SPATA31H1: variants seen among roughly 807,000 people sequenced by gnomAD.
SPATA31H1 encodes the protein spermatogenesis-associated protein 31H1.
the SPATA31H1 span, among the ~76,000 whole-genome samples, chr2:27,560,123 C>T: frequency 2.0e-5 from 3 of 151,868 alleles, no homozygotes; most frequent in Non-Finnish European, 4.4e-5. Context: ...ACCTCAGCCT[C>T]CCAAAGTGCT....
chr2:27,565,032 A>G, the SPATA31H1 span, among the ~76,000 whole-genome samples: 1 of 152,272 alleles, frequency 6.6e-6, no homozygotes, highest in East Asian at 1.9e-4. Flanking sequence ...TGATGTTCCC[A>G]CTTGCCTGAA....
At chr2:27,547,489 T>G in the SPATA31H1 span, among the ~76,000 whole-genome samples, 1 of 151,990 alleles carries the variant, frequency 6.6e-6, no homozygotes, top group Non-Finnish European at 1.5e-5. Context: ...CTTTGACCTT[T>G]GAAGTTGTCT....
chr2:27,539,406 CAT>C, the SPATA31H1 span, among the ~76,000 whole-genome samples: 1 of 123,226 alleles, frequency 8.1e-6, no homozygotes, highest in African/African-American at 3.4e-5. Context: ...GGACACAGCA[CAT>C]GTTTCAGAGA....
the SPATA31H1 span, among the ~76,000 whole-genome samples, chr2:27,562,313 T>C: frequency 6.6e-6 from 1 of 151,816 alleles, no homozygotes; most frequent in African/African-American, 2.4e-5. Flanking sequence ...CATTAAAATA[T>C]AATTTAAGCC....
the SPATA31H1 span, chr2:27,566,379 C>T: frequency 1.4e-5 from 10 of 717,116 alleles, 1 homozygote; most frequent in Admixed American, 2.0e-5. Flanking sequence ...ACCTAGAAAG[C>T]GCAAGGTCAG....
the SPATA31H1 span, chr2:27,572,650 C>T: frequency 2.5e-6 from 1 of 397,422 alleles, no homozygotes; most frequent in Admixed American, 4.4e-5. Context: ...AACCAAGACT[C>T]ACAGCTTACA....
chr2:27,579,398 G>C, the SPATA31H1 span: 172 of 1,614,194 alleles, frequency 1.1e-4, no homozygotes, highest in African/African-American at 2.0e-3. Context: ...CCCAGAGCCT[G>C]CCAGAGAAGG....
the SPATA31H1 span, chr2:27,580,891 AGC>A: frequency 1.2e-6 from 2 of 1,614,084 alleles, no homozygotes; most frequent in Non-Finnish European, 1.7e-6. Context: ...TCAGCTCAAC[AGC>A]CAAGAAGAGC....
At chr2:27,573,727 C>T in the SPATA31H1 span, 19 of 398,470 alleles carry the variant, frequency 4.8e-5, no homozygotes, top group Non-Finnish European at 8.4e-5. Context: ...CCCTTGGAGG[C>T]ATGCCCAGGA....
At chr2:27,564,482 G>T in the SPATA31H1 span, among the ~76,000 whole-genome samples, 1 of 152,082 alleles carries the variant, frequency 6.6e-6, no homozygotes, top group Non-Finnish European at 1.5e-5. Flanking sequence ...GGCCTGTAAG[G>T]ATTTCCCTTA....
At chr2:27,580,411 C>T in the SPATA31H1 span, 2 of 1,613,926 alleles carry the variant, frequency 1.2e-6, no homozygotes, top group Middle Eastern at 1.6e-4. Context: ...AAAGTGAGAA[C>T]CAAAAAGACC....
chr2:27,556,553 A>T, the SPATA31H1 span, among the ~76,000 whole-genome samples: 2 of 151,370 alleles, frequency 1.3e-5, no homozygotes, highest in Non-Finnish European at 2.9e-5. Flanking sequence ...GTTGTGTCTA[A>T]TCTGTACCCC....
At chr2:27,566,032 C>T in the SPATA31H1 span, 1 of 717,396 alleles carries the variant, frequency 1.4e-6, no homozygotes, top group Non-Finnish European at 2.6e-6. Flanking sequence ...GATTCTTCAC[C>T]TCTTCTCCCA....
the SPATA31H1 span, among the ~76,000 whole-genome samples, chr2:27,545,064 A>C: frequency 1.3e-5 from 2 of 150,326 alleles, no homozygotes; most frequent in African/African-American, 4.9e-5. Flanking sequence ...ACTCTGTTGC[A>C]CAGGCTGGAG....
At chr2:27,580,621 T>C in the SPATA31H1 span, 1 of 1,614,120 alleles carries the variant, frequency 6.2e-7, no homozygotes, top group Non-Finnish European at 8.5e-7. Flanking sequence ...CCCAAGTTCA[T>C]GCAACTGCTT....
chr2:27,582,101 G>A, the SPATA31H1 span: 4 of 1,613,192 alleles, frequency 2.5e-6, no homozygotes, highest in East Asian at 8.9e-5. Context: ...GGATTTCTGA[G>A]AGAAGTCACA....
chr2:27,576,574 T>C, the SPATA31H1 span: 21 of 1,563,300 alleles, frequency 1.3e-5, no homozygotes, highest in East Asian at 6.7e-5. Context: ...GTAAAACCTA[T>C]GGAGCTGACA....
chr2:27,581,197 C>G, the SPATA31H1 span: 1 of 1,614,174 alleles, frequency 6.2e-7, no homozygotes, highest in African/African-American at 1.3e-5. Flanking sequence ...CATAACCACC[C>G]CAGCTTCTAT....
chr2:27,546,815 A>T, the SPATA31H1 span, among the ~76,000 whole-genome samples: 1 of 152,004 alleles, frequency 6.6e-6, no homozygotes, highest in African/African-American at 2.4e-5. Flanking sequence ...TACAGGCATA[A>T]GCCACCATGC....
Sources: gnomAD v4.1 joint callset for allele counts (sites outside exome capture counted in the v4.1 genomes callset) on GRCh38, gnomAD v4.1.1 for gene constraint, MANE v1.5 for transcripts, NCBI Gene and HGNC (gene_info 2026-07-23, HGNC 2026-07-21) for gene names.